The following DOK2 variants were observed in gnomAD, a reference collection of about 807,000 sequenced individuals.
The protein encoded by DOK2 is docking protein 2, also known as docking protein 2, 56kD.
Under a neutral mutation model 26.0 loss-of-function variants are expected in DOK2, and 28 were observed. That is an observed-to-expected ratio of 1.08 (90% CI 0.80 to 1.48). The LOEUF is 1.48. Ranked by LOEUF, DOK2 falls within the 40% of genes most tolerant of loss-of-function variation. The pLI is 0.00. For missense variants in DOK2, 682 were observed against 558.2 expected (o/e 1.22, Z -2.23); for synonymous variants, 282 against 236.9 (o/e 1.19, Z -1.75).
At chr8:21,911,670 GC>G (rs1809850011) in intron 3 of DOK2, among the ~76,000 whole-genome samples, 1 of 152,122 alleles carries the variant, frequency 6.6e-6, no homozygotes, top group Non-Finnish European at 1.5e-5. Context: ...CCACCAGCAG[GC>G]CCTAGGTAAG....
rs866542270 is a variant in DOK2, at chr8:21,912,006, C to T, written c.346-18G>A. 4.5e-6 allele frequency: 7 copies of T among 1,544,560 alleles called. No homozygotes were observed. The highest frequency in any genetic ancestry group is 1.4e-5 in the African/African-American group (1 of 73,002). ...CTCTGCCCCTAGGGAGGAGGCGCCC[C>T]GTCTCATCACCTTCCCCGATCCCCA... On this transcript the variant is annotated intron_variant, in intron 2 of 4. Coordinates refer to ENST00000276420, the MANE Select transcript of DOK2 (RefSeq NM_003974.4).
Position 21,910,692 on chromosome 8 carries a change from C to G in DOK2, c.599G>C (p.Arg200Pro), listed in dbSNP as rs200755956. Residue 200 changes from arginine to proline, a missense_variant, in exon 4 of 5, where the codon CGG (arginine) becomes CCG (proline). Arg to Pro is a moderately radical substitution (Grantham distance 103). Coordinates refer to ENST00000276420, the MANE Select transcript of DOK2 (RefSeq NM_003974.4). Reference sequence around the variant, plus strand: ...ACTCACCTTGTCCCGCCCAAAGCGCCGCAGAAACCTGTAGGGCCAGTCGTA... The same window carrying G: ...ACTCACCTTGTCCCGCCCAAAGCGCGGCAGAAACCTGTAGGGCCAGTCGTA... The part of the protein sequence containing the change: ...QLYDWPYRFL[R>P]RFGRDKVTFS... The G allele has an allele frequency of 6.2e-7, 1 of 1,614,050 alleles. No homozygotes were observed. The highest frequency in any genetic ancestry group is 8.5e-7 in the Non-Finnish European group (1 of 1,180,030).
At chr8:21,910,085 G>A (rs1000817263) in intron 4 of DOK2, among the ~76,000 whole-genome samples, 154 bp from the exon 5 acceptor site, 2 of 151,576 alleles carry the variant, frequency 1.3e-5, no homozygotes, top group Admixed American at 6.6e-5. Flanking sequence ...AGGTTCAAGC[G>A]ATTCTCCTGC....
rs1156402516 is a variant in DOK2, at chr8:21,912,263, T to C, written c.311A>G (p.Asp104Gly). The change falls in exon 2 of 5, where the codon GAC becomes GGC. Residue 104 changes from aspartate to glycine, a missense_variant. By Grantham distance (94) the Asp-to-Gly change is moderately conservative. Coordinates refer to ENST00000276420, the MANE Select transcript of DOK2 (RefSeq NM_003974.4). Reference protein sequence around the residue: ...LLAAPAAERGDWVQAICLLAF... With the variant: ...LLAAPAAERGGWVQAICLLAF... ...CAGGAGGCAGATGGCCTGCACCCAG[T>C]CGCCGCGCTCCGCTGCAGGGGCCGC... 3.2e-6 allele frequency: 5 copies of C among 1,575,448 alleles called. No homozygotes were observed. The highest frequency in any genetic ancestry group is 1.2e-5 in the South Asian group (1 of 86,412).
chr8:21,909,980 G>A lies in DOK2; in HGVS notation c.619-49C>T, dbSNP rs200306590. On this transcript the variant is annotated intron_variant, in intron 4 of 4. Transcript: ENST00000276420. ...ATTGGCCAGGCCACAGGGCAGGGGT[G>A]CATTTTTTTTTTTTTTTTTGGAGAC... The A allele has an allele frequency of 5.5e-5, 82 of 1,504,126 alleles. No homozygotes were observed. The Middle Eastern group carries it at 5.6e-4, about 10-fold the overall frequency. The allele number at this position is 1,504,126 out of a possible 1,614,324, so 93.2% of individuals were successfully genotyped here. A position where few individuals can be genotyped will look rare whatever the true frequency, so the allele number is the denominator to read the frequency against.
At position 21,912,402 on chromosome 8, in the gene DOK2, T is replaced by C. The variant is rs1039157032; in HGVS notation, c.172A>G (p.Lys58Glu). 1 of 1,594,314 alleles carries C rather than the reference T, an allele frequency of 6.3e-7. No individual in the cohort carries two copies. The highest frequency in any genetic ancestry group is 1.1e-5 in the South Asian group (1 of 88,220). ...AGGCAGTCACTGAGGCGGATGACCT[T>C]CCGGGCAGCCTCACACCGACGAGGC... Reference protein sequence around the residue: ...EKPRRCEAARKVIRLSDCLRV... With the variant: ...EKPRRCEAAREVIRLSDCLRV... Residue 58 changes from lysine to glutamate, a missense_variant, in exon 2 of 5, where the codon AAG becomes GAG. Coordinates refer to ENST00000276420, the MANE Select transcript of DOK2 (RefSeq NM_003974.4).
Position 21,912,246 on chromosome 8 carries a change from A to C in DOK2, c.328T>G (p.Cys110Gly). Reference protein sequence around the residue: ...AERGDWVQAICLLAFPGQRKE... With the variant: ...AERGDWVQAIGLLAFPGQRKE... ...CGACTCACGGGGAAGGCCAGGAGGC[A>C]GATGGCCTGCACCCAGTCGCCGCGC... Residue 110 changes from cysteine (C) to glycine (G), a missense_variant, in exon 2 of 5, where the codon TGC (cysteine) becomes GGC (glycine). Cys to Gly is a radical substitution (Grantham distance 159, BLOSUM62 -3). Coordinates refer to ENST00000276420, the MANE Select transcript of DOK2 (RefSeq NM_003974.4). 1.3e-6 allele frequency: 2 copies of C among 1,568,728 alleles called. No individual in the cohort carries two copies. The highest frequency in any genetic ancestry group is 1.2e-5 in the South Asian group (1 of 85,872).
chr8:21,912,762 C>T (rs2117209190), intron 1 of DOK2, among the ~76,000 whole-genome samples: 1 of 152,264 alleles, frequency 6.6e-6, no homozygotes, highest in South Asian at 2.1e-4. Context: ...ACTGCCCAGG[C>T]AGAAAGCAAC....
chr8:21,912,006 C>A lies in DOK2; in HGVS notation c.346-18G>T, dbSNP rs866542270. The A allele has an allele frequency of 1.3e-6, 2 of 1,544,560 alleles. No individual in the cohort carries two copies. The highest frequency in any genetic ancestry group is 4.9e-5 in the East Asian group (2 of 40,954). ...CTCTGCCCCTAGGGAGGAGGCGCCC[C>A]GTCTCATCACCTTCCCCGATCCCCA... On this transcript the variant is annotated intron_variant, in intron 2 of 4. Transcript: ENST00000276420.
Position 21,911,934 on chromosome 8 carries a change from C to A in DOK2, c.400G>T (p.Glu134Ter), listed in dbSNP as rs1231327585. The part of the protein sequence containing the change: ...PEGKQSRPCM[E>*]ENELYSSAVT... ...GCGCTGCTGTACAATTCATTTTCCT[C>A]CATGCAGGGCCGGCTCTGCTTTCCC... The change falls in exon 3 of 5, where the codon GAG (glutamate) becomes TAG (stop). Residue 134 changes from glutamate (E) to a stop codon, truncating the protein, a stop_gained. Transcript: ENST00000276420. LOFTEE classifies it high-confidence loss of function. 1 of 1,563,270 alleles carries A rather than the reference C, an allele frequency of 6.4e-7. No homozygotes were observed.
chr8:21,911,953 C>T lies in DOK2; in HGVS notation c.381G>A (p.Lys127=). The T allele has an allele frequency of 6.4e-7, 1 of 1,560,918 alleles. No homozygotes were observed. Among genetic ancestry groups the T allele is most frequent in the Admixed American group, 1.9e-5 (1 of 52,038 alleles). The change falls in exon 3 of 5, where the codon AAG becomes AAA. Residue 127 remains lysine, a synonymous_variant. Coordinates refer to ENST00000276420, the MANE Select transcript of DOK2 (RefSeq NM_003974.4). ...TTTCCTCCATGCAGGGCCGGCTCTGCTTTCCCTCTGGCCCCGAGAGCTCCT... is the reference window on the plus strand; with the variant it reads ...TTTCCTCCATGCAGGGCCGGCTCTGTTTTCCCTCTGGCCCCGAGAGCTCCT... ...QRKELSGPEG[K]QSRPCMEENE... is the part of the protein sequence containing the mutation.
intron 1 of DOK2, 153 bp from the exon 2 acceptor site, chr8:21,912,663 AG>A: frequency 1.4e-6 from 1 of 728,892 alleles, no homozygotes; most frequent in South Asian, 1.9e-5. Context: ...AGACCCAGGG[AG>A]GCAGAGAAGA....
chr8:21,913,504 C>A, intron 1 of DOK2, 35 bp downstream of exon 1: 2 of 1,612,350 alleles, frequency 1.2e-6, no homozygotes, highest in East Asian at 2.2e-5. Flanking sequence ...GCCTCCCAGG[C>A]CCCCTGCCCA....
At chr8:21,913,154 C>T (rs929704817) in intron 1 of DOK2, among the ~76,000 whole-genome samples, 4 of 152,188 alleles carry the variant, frequency 2.6e-5, no homozygotes, top group Non-Finnish European at 4.4e-5. Flanking sequence ...ACATGCACCC[C>T]ACTGGGGTTG....
chr8:21,909,945 A>T lies in DOK2; in HGVS notation c.619-14T>A, dbSNP rs1809772764. 1 of 1,599,666 alleles carries T rather than the reference A, an allele frequency of 6.3e-7. No homozygotes were observed. Among genetic ancestry groups the T allele is most frequent in the African/African-American group, 1.3e-5 (1 of 74,654 alleles). The stretch of plus-strand genomic sequence containing the variant: ...GGAAAAGGTTACCTGGACCAGGGAG[A>T]AAGCAGGTTATTGGCCAGGCCACAG... On this transcript the variant is annotated splice_polypyrimidine_tract_variant and intron_variant, in intron 4 of 4. Transcript: ENST00000276420.
chr8:21,910,174 G>A (rs1002404281), intron 4 of DOK2, among the ~76,000 whole-genome samples: 8 of 152,064 alleles, frequency 5.3e-5, no homozygotes, highest in African/African-American at 1.7e-4. Flanking sequence ...TAGAGACAGG[G>A]TTTCACCATG....
rs752213003 is a variant in DOK2 at position 21,909,263 on chromosome 8, T to C, written c.*48A>G. The C allele has an allele frequency of 6.6e-7, 1 of 1,503,918 alleles. No homozygotes were observed. 93.2% of individuals were successfully genotyped at this position (1,503,918 alleles called of 1,614,324 possible). On this transcript the variant is annotated 3_prime_UTR_variant, in exon 5 of 5. Coordinates refer to ENST00000276420, the MANE Select transcript of DOK2 (RefSeq NM_003974.4). ...CTTCTGATGCAGTGGCCAGGAGGAG[T>C]CACCAGCAGAAGCCAAGGGGCGGTG... is the stretch of plus-strand genomic sequence containing the variant.
chr8:21,911,540 G>A (rs1231822243), intron 3 of DOK2, among the ~76,000 whole-genome samples: 1 of 152,278 alleles, frequency 6.6e-6, no homozygotes, highest in African/African-American at 2.4e-5. Context: ...CCCGGGAAGC[G>A]GCGGTTGCAG....
In DOK2 at chr8:21,909,516, T is replaced by C. The variant is rs200790064; in HGVS notation, c.1034A>G (p.Tyr345Cys). Residue 345 changes from tyrosine to cysteine, a missense_variant, in exon 5 of 5, where the codon TAC becomes TGC. Tyr to Cys is a radical substitution (Grantham distance 194). Coordinates refer to ENST00000276420, the MANE Select transcript of DOK2 (RefSeq NM_003974.4). ...ETLPPRPDHIYDEPEGVAALS... is the reference protein window; with the variant it reads ...ETLPPRPDHICDEPEGVAALS... ...GGCAGCCACTCCCTCGGGCTCATCG[T>C]ATATGTGGTCAGGTCGAGGGGGCAG... The C allele has an allele frequency of 1.7e-5, 27 of 1,614,080 alleles. No individual in the cohort carries two copies. In the African/African-American group the frequency reaches 2.3e-4, roughly 14 times the overall value.
Sources: allele counts gnomAD v4.1 joint callset (sites outside exome capture counted in the v4.1 genomes callset), GRCh38; gene constraint gnomAD v4.1.1; transcripts MANE v1.5; gene names NCBI Gene and HGNC (gene_info 2026-07-23, HGNC 2026-07-21).